MORC4: variants seen among roughly 807,000 people sequenced by gnomAD.
MORC4 encodes MORC family CW-type zinc finger 4.
Under a neutral mutation model 65.5 loss-of-function variants are expected in MORC4, and 22 were observed. The observed-to-expected ratio is 0.34, with a 90% CI of 0.24 to 0.48. MORC4 has a LOEUF of 0.48. Ranked by LOEUF, MORC4 falls within the 20% of genes least tolerant of loss-of-function variation. The pLI, the probability that MORC4 is intolerant of heterozygous loss-of-function variation, is 0.99. For synonymous variants in MORC4, 267 were observed against 255.8 expected, an observed-to-expected ratio of 1.04 and a Z score of -0.42; for missense variants, 624 against 703.0, an observed-to-expected ratio of 0.89 and a Z score of 1.27.
chrX:106,994,417 G>A lies in MORC4; in HGVS notation c.176-1055C>T, dbSNP rs1935039200. Among the ~76,000 whole-genome samples the A allele has an allele frequency of 1.8e-5, 2 of 111,774 alleles. 1 individual carries two copies. Among genetic ancestry groups the A allele is most frequent in the Admixed American group, 1.9e-4 (2 of 10,558 alleles). ...CCCTGGTATCCTATACTGCTTTAGT[G>A]ATACCAAAAAGCTAAGCTAAGACAG... On this transcript the variant is annotated intron_variant, in intron 2 of 16. Transcript: ENST00000355610.
In MORC4 at chrX:106,975,779, A is replaced by C. The variant is rs780576079; in HGVS notation, c.1157+805T>G. On this transcript the variant is annotated intron_variant, in intron 9 of 16. Transcript: ENST00000355610. ...CTAGAAAACTTTTCCTTCATATTTA[A>C]TATCAAATATAATCTGCTTTGTGAA... is the stretch of plus-strand genomic sequence containing the variant. 2.3e-3 allele frequency among the ~76,000 whole-genome samples: 250 copies of C among 110,898 alleles called. 2 individuals carry two copies. The highest frequency in any genetic ancestry group is 3.9e-3 in the Non-Finnish European group (205 of 52,776).
intron 9 of MORC4, among the ~76,000 whole-genome samples, chrX:106,968,143 G>C (rs765298112): frequency 8.9e-6 from 1 of 111,954 alleles, no homozygotes; most frequent in African/African-American, 3.2e-5. Flanking sequence ...TAAGCCAGAA[G>C]AGAGTAGGGG....
intron 2 of MORC4, 119 bp downstream of exon 2, chrX:106,999,558 G>T: frequency 1.6e-6 from 1 of 610,148 alleles, no homozygotes; most frequent in Non-Finnish European, 2.3e-6. Context: ...CCGGTTCCGA[G>T]GCCCCCACCC....
chrX:106,953,659 G>GT (rs980560723), intron 14 of MORC4, among the ~76,000 whole-genome samples: 54 of 105,377 alleles, frequency 5.1e-4, no homozygotes, highest in Middle Eastern at 4.9e-3. Flanking sequence ...TTGGTTTTTT[G>GT]TTTTTTTTTT....
At position 106,980,890 on chromosome X, in the gene MORC4, C is replaced by T; in HGVS notation, c.936+1G>A. On this transcript the variant is annotated splice_donor_variant, in intron 7 of 16. Coordinates refer to ENST00000355610, the MANE Select transcript of MORC4 (RefSeq NM_024657.5). LOFTEE classifies it high-confidence loss of function. ...ATGTAGTGGTACACTTGTAAGGATA[C>T]TGTGAAGGTAGGTTTATATGTATCA... is the stretch of plus-strand genomic sequence containing the variant. The T allele has an allele frequency of 8.3e-7, 1 of 1,204,110 alleles. No homozygotes were observed. The highest frequency in any genetic ancestry group is 1.1e-6 in the Non-Finnish European group (1 of 888,990).
chrX:106,955,887 G>A (rs190542169), intron 13 of MORC4, among the ~76,000 whole-genome samples: 4 of 111,617 alleles, frequency 3.6e-5, no homozygotes, highest in African/African-American at 1.3e-4. Context: ...AGGCAAGGTT[G>A]GGAGGGAAAG....
intron 14 of MORC4, among the ~76,000 whole-genome samples, chrX:106,948,749 G>A (rs919092463): frequency 1.8e-5 from 2 of 111,436 alleles, no homozygotes; most frequent in African/African-American, 6.5e-5. Flanking sequence ...CTTTGAATAC[G>A]TCATCACGCT....
In MORC4 at chrX:106,958,206, A is replaced by G. The variant is rs375134799; in HGVS notation, c.1385+130T>C. ...CACGAAATGTAAGGCTAGATAGGTA[A>G]GCTGGGGTCAGTCAGCACAGGGCCT... is the stretch of plus-strand genomic sequence containing the variant. On this transcript the variant is annotated intron_variant, in intron 11 of 16. Coordinates refer to ENST00000355610, the MANE Select transcript of MORC4 (RefSeq NM_024657.5). 1.8e-5 allele frequency: 10 copies of G among 555,480 alleles called. 1 individual carries two copies. The highest frequency in any genetic ancestry group is 9.3e-5 in the African/African-American group (4 of 42,879). The allele number at this position is 555,480 out of a possible 1,213,427, so 45.8% of individuals were successfully genotyped here. A position where few individuals can be genotyped will look rare whatever the true frequency, so the allele number is the denominator to read the frequency against.
At chrX:106,997,063 T>C (rs1935093410) in intron 2 of MORC4, among the ~76,000 whole-genome samples, 1 of 112,137 alleles carries the variant, frequency 8.9e-6, no homozygotes, top group Non-Finnish European at 1.9e-5. Context: ...CTGTCCTACA[T>C]AAATCCTAGA....
intron 9 of MORC4, among the ~76,000 whole-genome samples, chrX:106,970,516 G>A (rs1421984332): frequency 8.9e-6 from 1 of 111,967 alleles, no homozygotes; most frequent in African/African-American, 3.2e-5. Context: ...CAAATAGGAA[G>A]AGAGGAAGTC....
chrX:106,946,463 T>C (rs1241704510), intron 14 of MORC4, among the ~76,000 whole-genome samples: 1 of 112,626 alleles, frequency 8.9e-6, no homozygotes, highest in Admixed American at 9.4e-5. Context: ...ATAATCAGTA[T>C]TTCATTCCTT....
chrX:106,978,035 C>G, intron 8 of MORC4, 45 bp downstream of exon 8: 1 of 1,198,100 alleles, frequency 8.3e-7, no homozygotes. Context: ...AATTCTCTTC[C>G]TACTCTTTTC....
chrX:106,947,576 T>TATATATATATATATATATA (rs1933872205), intron 14 of MORC4, among the ~76,000 whole-genome samples: 2 of 88,680 alleles, frequency 2.3e-5, no homozygotes, highest in African/African-American at 9.0e-5. Flanking sequence ...ATATATTATA[T>TATATATATATATATATATA]ATATATATAT....
At chrX:106,997,983 T>G in intron 2 of MORC4, among the ~76,000 whole-genome samples, 1 of 112,438 alleles carries the variant, frequency 8.9e-6, no homozygotes, top group Admixed American at 9.4e-5. Flanking sequence ...AGACAAAGCA[T>G]AAACCTTCTG....
At chrX:106,989,407 C>T (rs926782762) in intron 3 of MORC4, among the ~76,000 whole-genome samples, 1 of 112,183 alleles carries the variant, frequency 8.9e-6, no homozygotes, top group Non-Finnish European at 1.9e-5. Context: ...ACTGTTGCTA[C>T]AGTTACACAA....
chrX:106,955,218 A>C, intron 13 of MORC4, 130 bp from the exon 14 acceptor site: 1 of 496,162 alleles, frequency 2.0e-6, no homozygotes, highest in Non-Finnish European at 3.3e-6. Context: ...CACAAAACAA[A>C]CAGTGTGCAG....
intron 14 of MORC4, among the ~76,000 whole-genome samples, chrX:106,946,444 T>C (rs149297306): frequency 1.1e-3 from 120 of 112,800 alleles, no homozygotes; most frequent in African/African-American, 3.6e-3. Context: ...TTCATCCATG[T>C]TGTAGCACAT....
chrX:106,953,783 T>A (rs928833502), intron 14 of MORC4, among the ~76,000 whole-genome samples: 3 of 111,853 alleles, frequency 2.7e-5, no homozygotes, highest in East Asian at 5.6e-4. Flanking sequence ...CACTGACTAT[T>A]CTACAGTATG....
At chrX:106,975,417 G>C (rs1391406996) in intron 9 of MORC4, among the ~76,000 whole-genome samples, 1 of 111,104 alleles carries the variant, frequency 9.0e-6, no homozygotes, top group Admixed American at 9.6e-5. Flanking sequence ...CATAACCACT[G>C]AGTAGCCCAA....
Sources: allele counts gnomAD v4.1 joint callset (sites outside exome capture counted in the v4.1 genomes callset), GRCh38; gene constraint gnomAD v4.1.1; transcripts MANE v1.5; gene names NCBI Gene and HGNC (gene_info 2026-07-23, HGNC 2026-07-21).